ZBTB20: variants seen among roughly 807,000 people sequenced by gnomAD.
The protein encoded by ZBTB20 is zinc finger and BTB domain containing 20, also known as zinc finger and BTB domain-containing protein 20.
Under a neutral mutation model 56.9 loss-of-function variants are expected in ZBTB20, and 9 were observed. The ratio of observed to expected loss-of-function variants is 0.16; its 90% CI spans 0.10 to 0.28. The LOEUF (loss-of-function observed/expected upper bound fraction) is 0.28. Ranked by LOEUF, ZBTB20 falls within the 10% of genes least tolerant of loss-of-function variation. The probability of loss-of-function intolerance (pLI) is 1.00; values close to 1 mark genes in which losing one functional copy is unlikely to be tolerated. For synonymous variants in ZBTB20, 417 were observed against 420.7 expected, an observed-to-expected ratio of 0.99 and a Z score of 0.11; for missense variants, 655 against 1,003.0, an observed-to-expected ratio of 0.65 and a Z score of 4.69.
At chr3:114,714,362 C>A (rs910891825) in intron 5 of ZBTB20, among the ~76,000 whole-genome samples, 1 of 152,148 alleles carries the variant, frequency 6.6e-6, no homozygotes, top group Non-Finnish European at 1.5e-5. Flanking sequence ...GCTTTGGTTA[C>A]GTAGGTAAGC....
chr3:114,541,948 A>G (rs1321055940), intron 6 of ZBTB20, among the ~76,000 whole-genome samples: 7 of 152,164 alleles, frequency 4.6e-5, no homozygotes, highest in Admixed American at 4.6e-4. Context: ...ACTCTCTTGG[A>G]GTTTATAGTA....
At chr3:115,007,640 T>C (rs1271906638) in intron 2 of ZBTB20, among the ~76,000 whole-genome samples, 1 of 151,900 alleles carries the variant, frequency 6.6e-6, no homozygotes, top group Non-Finnish European at 1.5e-5. Flanking sequence ...AAAATCCTTT[T>C]TTGAAGATTT....
chr3:114,638,249 C>T (rs774089685), intron 6 of ZBTB20, among the ~76,000 whole-genome samples: 3 of 152,050 alleles, frequency 2.0e-5, no homozygotes, highest in African/African-American at 2.4e-5. Context: ...CTTCTGTTTC[C>T]TCCTCCTTCC....
At position 114,540,634 on chromosome 3, in the gene ZBTB20, C is replaced by T. The variant is rs137889548; in HGVS notation, c.-294-40243G>A. 2.9e-3 allele frequency among the ~76,000 whole-genome samples: 434 copies of T among 152,164 alleles called. 1 individual carries two copies. Among genetic ancestry groups the T allele is most frequent in the Non-Finnish European group, 4.3e-3 (295 of 67,976 alleles). On this transcript the variant is annotated intron_variant, in intron 6 of 11. Coordinates refer to ENST00000675478, the MANE Select transcript of ZBTB20 (RefSeq NM_001348800.3). ...TGTTCCCTTCTAATTTATCTGTGTT[C>T]CTGTAGCCATGTCTCCACTTCTAAA...
intron 6 of ZBTB20, among the ~76,000 whole-genome samples, chr3:114,603,685 A>G (rs1047770466): frequency 1.3e-5 from 2 of 151,982 alleles, no homozygotes; most frequent in African/African-American, 2.4e-5. Flanking sequence ...AAATAGCAAG[A>G]AATACATAAG....
At chr3:115,071,621 T>G (rs13096421) in intron 1 of ZBTB20, among the ~76,000 whole-genome samples, 2,710 of 152,264 alleles carry the variant, frequency 0.018, 31 homozygotes, top group Non-Finnish European at 0.023. Flanking sequence ...AAGAAAACAA[T>G]AGGATAGACG....
intron 4 of ZBTB20, among the ~76,000 whole-genome samples, chr3:114,840,160 T>C (rs2074321419): frequency 6.6e-6 from 1 of 152,230 alleles, no homozygotes; most frequent in South Asian, 2.1e-4. Context: ...TTACTTTATA[T>C]CTCTATCTTC....
At chr3:114,387,637 C>T (rs1247831811) in intron 8 of ZBTB20, 3 of 152,224 alleles carry the variant, frequency 2.0e-5, no homozygotes, top group Non-Finnish European at 4.4e-5. Flanking sequence ...TTAAACCCAT[C>T]TGCATCATAG....
rs1014470426 is a variant in ZBTB20 at position 115,080,830 on chromosome 3, G to T, written c.-702-9416C>A. The stretch of plus-strand genomic sequence containing the variant: ...AAAGTTCACTTGGAATAACAAGTAT[G>T]CAAGAAAAGCCAGAAAACACTGAAA... On this transcript the variant is annotated intron_variant, in intron 1 of 11. Transcript: ENST00000675478. Among the ~76,000 whole-genome samples the T allele has an allele frequency of 3.7e-4, 57 of 152,142 alleles. 1 individual carries two copies. Among genetic ancestry groups the T allele is most frequent in the African/African-American group, 1.4e-3 (57 of 41,438 alleles).
intron 10 of ZBTB20, among the ~76,000 whole-genome samples, chr3:114,352,317 T>A (rs990131600): frequency 6.6e-6 from 1 of 152,216 alleles, no homozygotes; most frequent in Non-Finnish European, 1.5e-5. Flanking sequence ...TAAGCCCAGA[T>A]TCTTTGGGAA....
chr3:114,806,479 T>C (rs185391547), intron 4 of ZBTB20, among the ~76,000 whole-genome samples: 1,754 of 152,090 alleles, frequency 0.012, 17 homozygotes, highest in South Asian at 0.041. Flanking sequence ...TTATATATTA[T>C]GCGTAAAAAT....
At chr3:115,036,577 G>A (rs2080933100) in intron 2 of ZBTB20, among the ~76,000 whole-genome samples, 2 of 152,178 alleles carry the variant, frequency 1.3e-5, no homozygotes, top group African/African-American at 4.8e-5. Context: ...ATCACGCCCA[G>A]CTAACTTTTG....
chr3:114,604,073 T>A (rs1577898593), intron 6 of ZBTB20, among the ~76,000 whole-genome samples: 1 of 152,114 alleles, frequency 6.6e-6, no homozygotes, highest in East Asian at 1.9e-4. Flanking sequence ...AACTTGCACA[T>A]CTATGAAATG....
intron 7 of ZBTB20, among the ~76,000 whole-genome samples, chr3:114,399,051 G>A (rs1037931938): frequency 6.6e-6 from 1 of 152,138 alleles, no homozygotes; most frequent in Non-Finnish European, 1.5e-5. Flanking sequence ...AGATGTTAAG[G>A]GGCCCTGAGT....
intron 5 of ZBTB20, among the ~76,000 whole-genome samples, chr3:114,694,044 T>C (rs1322554759): frequency 6.6e-6 from 1 of 152,130 alleles, no homozygotes; most frequent in East Asian, 1.9e-4. Context: ...GTTATAAATA[T>C]TGTGGCAATG....
At chr3:114,434,592 G>C (rs2090385162) in intron 7 of ZBTB20, among the ~76,000 whole-genome samples, 1 of 118,406 alleles carries the variant, frequency 8.4e-6, no homozygotes, top group African/African-American at 2.7e-5. Context: ...TTCTAAGAGA[G>C]AGGATAGCCT....
At chr3:114,342,382 T>G (rs532489374) in intron 11 of ZBTB20, among the ~76,000 whole-genome samples, 1 of 152,192 alleles carries the variant, frequency 6.6e-6, no homozygotes, top group Non-Finnish European at 1.5e-5. Flanking sequence ...TGGTCAGGAA[T>G]GGCAAGTCTG....
chr3:114,751,409 G>A (rs901463525), intron 5 of ZBTB20, among the ~76,000 whole-genome samples: 31 of 152,012 alleles, frequency 2.0e-4, no homozygotes, highest in Non-Finnish European at 2.2e-4. Context: ...AAACTTCCAC[G>A]TAACACCTGG....
intron 1 of ZBTB20, among the ~76,000 whole-genome samples, chr3:115,117,851 A>C (rs1164032199): frequency 6.6e-6 from 1 of 152,206 alleles, no homozygotes; most frequent in Non-Finnish European, 1.5e-5. Context: ...TGTCTCAATG[A>C]GAAACTGAAA....
Sources: allele counts gnomAD v4.1 joint callset (sites outside exome capture counted in the v4.1 genomes callset), GRCh38; gene constraint gnomAD v4.1.1; transcripts MANE v1.5; gene names NCBI Gene and HGNC (gene_info 2026-07-23, HGNC 2026-07-21).